The following RBFOX1 variants were observed in gnomAD, a reference collection of about 807,000 sequenced individuals.
RBFOX1 encodes the protein RNA binding fox-1 homolog 1.
A neutral mutation model predicts 57.7 loss-of-function variants in RBFOX1; 8 were observed. The observed-to-expected ratio is 0.14, with a 90% CI of 0.08 to 0.25. The LOEUF is 0.25. Among genes scored for constraint, RBFOX1 ranks in the 10% least tolerant of loss-of-function variants. The probability of loss-of-function intolerance (pLI) is 1.00; values close to 1 mark genes in which losing one functional copy is unlikely to be tolerated. For synonymous variants in RBFOX1, 326 were observed against 222.4 expected (o/e 1.47, Z -4.15); for missense variants, 611 against 548.5 (o/e 1.11, Z -1.14).
rs140996675 is a variant in RBFOX1, at chr16:6,187,999, G to A, written c.-126-128996G>A. Among the ~76,000 whole-genome samples, 57 of 152,232 alleles carry A rather than the reference G, an allele frequency of 3.7e-4. 1 individual carries two copies. In the East Asian group the frequency reaches 0.01, roughly 27 times the overall value. On this transcript the variant is annotated intron_variant, in intron 1 of 15. Coordinates refer to ENST00000550418, the MANE Select transcript of RBFOX1 (RefSeq NM_018723.4). Reference sequence around the variant, plus strand: ...TGCCATGAAATTATTTAACACACATGTGCTGTGTGTATGTATATGTGTATA... The same window carrying A: ...TGCCATGAAATTATTTAACACACATATGCTGTGTGTATGTATATGTGTATA...
intron 1 of RBFOX1, among the ~76,000 whole-genome samples, chr16:5,269,375 A>C (rs963656427): frequency 6.6e-6 from 1 of 152,272 alleles, no homozygotes; most frequent in Admixed American, 6.5e-5. Flanking sequence ...CCATATTTTC[A>C]TATTCAAAAA....
intron 4 of RBFOX1, among the ~76,000 whole-genome samples, chr16:5,935,095 T>C (rs1343576855): frequency 6.6e-6 from 1 of 152,216 alleles, no homozygotes; most frequent in Non-Finnish European, 1.5e-5. Context: ...GCCAACTCTT[T>C]TACTGAAGCT....
intron 3 of RBFOX1, among the ~76,000 whole-genome samples, chr16:6,693,236 C>T (rs978592658): frequency 1.1e-4 from 16 of 151,766 alleles, no homozygotes; most frequent in African/African-American, 3.9e-4. Flanking sequence ...TCCTCCACTA[C>T]CATCACCACC....
chr16:6,307,892 TTTA>T lies in RBFOX1; in HGVS notation c.-126-9100_-126-9098del, dbSNP rs1237280832. 4.7e-5 allele frequency among the ~76,000 whole-genome samples: 6 copies of T among 128,570 alleles called. No individual in the cohort carries two copies. The East Asian group carries it at 1.2e-3, about 25-fold the overall frequency. 84.3% of individuals were successfully genotyped at this position (128,570 alleles called of 152,430 possible). On this transcript the variant is annotated intron_variant, in intron 1 of 15. Coordinates refer to ENST00000550418, the MANE Select transcript of RBFOX1 (RefSeq NM_018723.4). Reference sequence around the variant, plus strand: ...AATGATAATTTATATTATTTATATATTTATTTGGATTATTTACATATTTTTATA... The same window carrying T: ...AATGATAATTTATATTATTTATATATTTTGGATTATTTACATATTTTTATA...
At chr16:7,142,456 C>A (rs115440063) in intron 4 of RBFOX1, among the ~76,000 whole-genome samples, 2,190 of 152,242 alleles carry the variant, frequency 0.014, 65 homozygotes, top group African/African-American at 0.05. Context: ...GCGACTCTGG[C>A]TTCCTGAGAG....
intron 1 of RBFOX1, among the ~76,000 whole-genome samples, chr16:5,454,773 C>CTTTCTT (rs2068533223): frequency 7.8e-6 from 1 of 128,810 alleles, no homozygotes; most frequent in Non-Finnish European, 1.7e-5. Flanking sequence ...CTTTCTCTTT[C>CTTTCTT]TTTCTTTCTT....
intron 1 of RBFOX1, among the ~76,000 whole-genome samples, chr16:6,235,489 T>C (rs2097498822): frequency 6.6e-6 from 1 of 151,872 alleles, no homozygotes; most frequent in Non-Finnish European, 1.5e-5. Flanking sequence ...ATTGCAAAAA[T>C]ATAGAACCAG....
At chr16:7,125,321 A>C (rs1447357707) in intron 4 of RBFOX1, among the ~76,000 whole-genome samples, 1 of 152,130 alleles carries the variant, frequency 6.6e-6, no homozygotes, top group Non-Finnish European at 1.5e-5. Flanking sequence ...ACATAGTGGC[A>C]AGGGTATAAA....
chr16:7,244,420 C>T (rs2094205490), intron 4 of RBFOX1, among the ~76,000 whole-genome samples: 1 of 152,144 alleles, frequency 6.6e-6, no homozygotes, highest in African/African-American at 2.4e-5. Flanking sequence ...CATTTCAGCA[C>T]ACATCTTTGT....
chr16:6,533,855 A>C (rs2096697160), intron 2 of RBFOX1, among the ~76,000 whole-genome samples: 1 of 152,298 alleles, frequency 6.6e-6, no homozygotes, highest in South Asian at 2.1e-4. Flanking sequence ...TACGTACTAA[A>C]CATAAAAGAG....
chr16:6,407,566 T>TGTGTGTGTGTGTGTCAGAGAGAGAGA (rs762554828), intron 2 of RBFOX1, among the ~76,000 whole-genome samples: 1 of 21,936 alleles, frequency 4.6e-5, no homozygotes, highest in African/African-American at 4.1e-4. Flanking sequence ...TGTGTGTGTG[T>TGTGTGTGTGTGTGTCAGAGAGAGAGA]GACAGAGAGA....
intron 4 of RBFOX1, among the ~76,000 whole-genome samples, chr16:5,887,749 C>G (rs1271786648): frequency 6.6e-6 from 1 of 152,086 alleles, no homozygotes; most frequent in Non-Finnish European, 1.5e-5. Flanking sequence ...GGGCCAGAGA[C>G]AGGGATTGGT....
chr16:5,889,825 C>A (rs1004949193), intron 4 of RBFOX1, among the ~76,000 whole-genome samples: 4 of 152,202 alleles, frequency 2.6e-5, no homozygotes, highest in African/African-American at 9.6e-5. Context: ...GCAGACGCAA[C>A]AGCCTGTAGT....
intron 4 of RBFOX1, among the ~76,000 whole-genome samples, chr16:7,164,857 G>A (rs2079098030): frequency 6.6e-6 from 1 of 152,126 alleles, no homozygotes; most frequent in Non-Finnish European, 1.5e-5. Context: ...TCAGGTAACT[G>A]CAGGAGAGGC....
rs2066836373 is a variant in RBFOX1 at position 7,120,332 on chromosome 16, T to TAA, written c.27+68236_27+68237dup. On this transcript the variant is annotated intron_variant, in intron 4 of 15. Transcript: ENST00000550418. ...CATGCAAAGAGAAAGAAGGGAATAGTAAATGTAAGATTAAAAAAATGAATT... is the reference window on the plus strand; with the variant it reads ...CATGCAAAGAGAAAGAAGGGAATAGTAAAAATGTAAGATTAAAAAAATGAATT... 2.3e-5 allele frequency among the ~76,000 whole-genome samples: 3 copies of TAA among 132,542 alleles called. No homozygotes were observed. In the South Asian group the frequency reaches 7.9e-4, roughly 35 times the overall value. 87.0% of individuals were successfully genotyped at this position (132,542 alleles called of 152,430 possible). A position where few individuals can be genotyped will look rare whatever the true frequency, so the allele number is the denominator to read the frequency against.
At chr16:5,270,210 G>A in intron 1 of RBFOX1, 2 of 470,886 alleles carry the variant, frequency 4.2e-6, no homozygotes, top group East Asian at 4.0e-5. Context: ...TATGAAAGGT[G>A]GCAAAAAGGG....
At chr16:7,061,388 A>G (rs1156730240) in intron 4 of RBFOX1, among the ~76,000 whole-genome samples, 2 of 152,216 alleles carry the variant, frequency 1.3e-5, no homozygotes, top group Admixed American at 6.5e-5. Flanking sequence ...ATTCTGATCA[A>G]GAAATCAGCC....
chr16:5,964,500 G>A (rs531793801), intron 4 of RBFOX1, among the ~76,000 whole-genome samples: 1 of 152,034 alleles, frequency 6.6e-6, no homozygotes, highest in Non-Finnish European at 1.5e-5. Context: ...AGAGTCCAAT[G>A]GTGGATGAAT....
chr16:5,984,021 CCTTCTTCCTT>C (rs1297589713), intron 4 of RBFOX1, among the ~76,000 whole-genome samples: 1 of 136,908 alleles, frequency 7.3e-6, no homozygotes, highest in Non-Finnish European at 1.6e-5. Context: ...TCCTTTTCTT[CCTTCTTCCTT>C]CTTCTTCCTC....
Sources: gnomAD v4.1 joint callset for allele counts (sites outside exome capture counted in the v4.1 genomes callset) on GRCh38, gnomAD v4.1.1 for gene constraint, MANE v1.5 for transcripts, NCBI Gene and HGNC (gene_info 2026-07-23, HGNC 2026-07-21) for gene names.